Variants in TOMM20L observed in about 807,000 individuals in gnomAD.
TOMM20L encodes TOMM20-like protein 1.
A neutral mutation model predicts 20.4 loss-of-function variants in TOMM20L; 19 were observed. That is an observed-to-expected ratio of 0.93 (90% CI 0.65 to 1.36). The LOEUF is 1.36. Ranked by LOEUF, TOMM20L falls within the 40% of genes most tolerant of loss-of-function variation. The pLI is 0.00. For synonymous variants in TOMM20L, 75 were observed against 79.6 expected (o/e 0.94, Z 0.30); for missense variants, 218 against 203.7 (o/e 1.07, Z -0.43).
At chr14:58,410,241 T>G (rs1428581363), downstream of TOMM20L, among the ~76,000 whole-genome samples, 1 of 151,968 alleles carries the variant, frequency 6.6e-6, no homozygotes, top group Non-Finnish European at 1.5e-5. Flanking sequence ...TAGCTAATTT[T>G]TTTTTGTATT....
At chr14:58,396,119 G>A in intron 1 of TOMM20L, 26 bp downstream of exon 1, 1 of 1,289,046 alleles carries the variant, frequency 7.8e-7, no homozygotes. Flanking sequence ...GCGGAGGCGC[G>A]GCCGGGCCGG....
At chr14:58,399,907 T>TGC (rs2035971667) in intron 2 of TOMM20L, among the ~76,000 whole-genome samples, 1 of 133,426 alleles carries the variant, frequency 7.5e-6, no homozygotes, top group Non-Finnish European at 1.6e-5. Context: ...TATATATATA[T>TGC]ATATATATAT....
chr14:58,409,070 C>T, downstream of TOMM20L: 1 of 1,613,764 alleles, frequency 6.2e-7, no homozygotes, highest in Non-Finnish European at 8.5e-7. Context: ...CTTTGGCTGC[C>T]AGGGCTTCAT....
intron 3 of TOMM20L, among the ~76,000 whole-genome samples, chr14:58,404,099 G>GTGTGTATATA (rs1408980666): frequency 0.034 from 788 of 22,916 alleles, 235 homozygotes; most frequent in Middle Eastern, 0.12. Context: ...ACATATATAT[G>GTGTGTATATA]TATATATATA....
At chr14:58,412,043 A>T, downstream of TOMM20L, 1 of 1,080,510 alleles carries the variant, frequency 9.3e-7, no homozygotes, top group Non-Finnish European at 1.4e-6. Context: ...AGAGTTAGGG[A>T]ATCACTGCTC....
chr14:58,410,813 T>G (rs193180714), downstream of TOMM20L: 24 of 1,505,744 alleles, frequency 1.6e-5, 1 homozygote, highest in South Asian at 1.3e-4. Flanking sequence ...TGAAGGCTTG[T>G]AGAATTTTAG....
At chr14:58,402,782 T>G (rs776307714) in intron 3 of TOMM20L, 21 bp downstream of exon 3, 3 of 1,547,482 alleles carry the variant, frequency 1.9e-6, no homozygotes, top group African/African-American at 2.7e-5. Context: ...AAATGTTCTT[T>G]TGTGAGTTAT....
At chr14:58,407,561 T>C (rs2036080504) in intron 4 of TOMM20L, 93 bp downstream of exon 4, 1 of 1,360,120 alleles carries the variant, frequency 7.4e-7, no homozygotes, top group Non-Finnish European at 9.8e-7. Flanking sequence ...TGTGTGTGAA[T>C]TGCCCAAAAT....
chr14:58,409,184 G>A (rs775850249), downstream of TOMM20L: 4 of 1,608,468 alleles, frequency 2.5e-6, no homozygotes, highest in East Asian at 2.2e-5. Context: ...AATGAAAAGG[G>A]AAGATCCAAG....
chr14:58,399,885 CATATATATATATATATATATAT>C (rs869260438), intron 2 of TOMM20L, among the ~76,000 whole-genome samples: 644 of 37,324 alleles, frequency 0.017, 17 homozygotes, highest in South Asian at 0.067. Flanking sequence ...TGCTCTATTG[CATATATATATATATATATATAT>C]ATATATATAT....
downstream of TOMM20L, chr14:58,410,742 A>G: frequency 1.2e-6 from 1 of 800,720 alleles, no homozygotes; most frequent in African/African-American, 1.7e-5. Context: ...AAGGTAGTCT[A>G]AATTCCTGTA....
intron 2 of TOMM20L, among the ~76,000 whole-genome samples, chr14:58,398,105 C>T (rs1274779213): frequency 2.6e-5 from 4 of 152,290 alleles, no homozygotes; most frequent in East Asian, 3.9e-4. Flanking sequence ...AAGAGCTGGA[C>T]ATGGGAGTGG....
intron 2 of TOMM20L, among the ~76,000 whole-genome samples, chr14:58,400,459 C>G (rs1236159440): frequency 1.3e-5 from 2 of 151,088 alleles, no homozygotes; most frequent in South Asian, 4.2e-4. Flanking sequence ...ACAGTCTCAG[C>G]TTGGCGCTAT....
intron 2 of TOMM20L, among the ~76,000 whole-genome samples, chr14:58,400,172 GA>G (rs2035976223): frequency 6.6e-6 from 1 of 151,872 alleles, no homozygotes; most frequent in South Asian, 2.1e-4. Context: ...TTGAGAGGCT[GA>G]GGTGGTTGGA....
intron 2 of TOMM20L, chr14:58,398,726 ATAAC>A (rs983715480): frequency 6.6e-6 from 1 of 151,160 alleles, no homozygotes; most frequent in Non-Finnish European, 1.5e-5. Flanking sequence ...ATATTAAGCC[ATAAC>A]TAAGTCACAC....
chr14:58,403,837 C>A (rs1315684260), intron 3 of TOMM20L, among the ~76,000 whole-genome samples: 2 of 151,144 alleles, frequency 1.3e-5, no homozygotes, highest in African/African-American at 4.9e-5. Context: ...GACTCCGGCT[C>A]AAAAATTAAA....
chr14:58,396,162 C>T, intron 1 of TOMM20L, 69 bp downstream of exon 1: 2 of 1,319,334 alleles, frequency 1.5e-6, no homozygotes, highest in East Asian at 3.2e-5. Context: ...CGGGAGGGCC[C>T]CCCACTGAGA....
At chr14:58,408,424 A>AG in intron 4 of TOMM20L, 105 bp from the exon 5 acceptor site, 1 of 1,093,728 alleles carries the variant, frequency 9.1e-7, no homozygotes, top group Non-Finnish European at 1.3e-6. Context: ...TCTCAAAAAA[A>AG]AAAAAAAAGA....
chr14:58,413,150 C>T (rs2036277000), downstream of TOMM20L, among the ~76,000 whole-genome samples: 1 of 152,066 alleles, frequency 6.6e-6, no homozygotes, highest in Non-Finnish European at 1.5e-5. Flanking sequence ...TTTTGGTGAG[C>T]ATTTTACACT....
Sources: allele counts gnomAD v4.1 joint callset (sites outside exome capture counted in the v4.1 genomes callset), GRCh38; gene constraint gnomAD v4.1.1; transcripts MANE v1.5; gene names NCBI Gene and HGNC (gene_info 2026-07-23, HGNC 2026-07-21).